The following GPC3 variants were observed in gnomAD, a reference collection of about 807,000 sequenced individuals.
The protein encoded by GPC3 is glypican-3.
Under a neutral mutation model 34.4 loss-of-function variants are expected in GPC3, and 3 were observed. The ratio of observed to expected loss-of-function variants is 0.09; its 90% confidence interval spans 0.04 to 0.23. The LOEUF is 0.23. GPC3 is among the 10% of genes least tolerant of loss of function. The pLI, the probability that GPC3 is intolerant of heterozygous loss-of-function variation, is 1.00. For missense variants in GPC3, 351 were observed against 445.6 expected, an observed-to-expected ratio of 0.79 and a Z score of 1.91; for synonymous variants, 177 against 174.0, an observed-to-expected ratio of 1.02 and a Z score of -0.13.
intron 7 of GPC3, among the ~76,000 whole-genome samples, chrX:133,584,059 T>A (rs1386117548): frequency 8.9e-6 from 1 of 111,780 alleles, no homozygotes; most frequent in Non-Finnish European, 1.9e-5. Flanking sequence ...CTTACTCCTG[T>A]GTTGACTGGA....
At chrX:133,758,037 A>G (rs1381969278) in intron 2 of GPC3, among the ~76,000 whole-genome samples, 1 of 112,038 alleles carries the variant, frequency 8.9e-6, no homozygotes, top group East Asian at 2.8e-4. Context: ...ATTATTAAAA[A>G]GTCAAGAAAC....
At chrX:133,959,405 G>C (rs912114934) in intron 1 of GPC3, among the ~76,000 whole-genome samples, 3 of 112,247 alleles carry the variant, frequency 2.7e-5, no homozygotes, top group African/African-American at 9.7e-5. Flanking sequence ...AGTGTGTATA[G>C]GGCTGTTTCA....
At chrX:133,685,702 G>A (rs912830707) in intron 5 of GPC3, among the ~76,000 whole-genome samples, 1 of 109,451 alleles carries the variant, frequency 9.1e-6, no homozygotes, top group Non-Finnish European at 1.9e-5. Context: ...TGCCCCATGT[G>A]ACAGTCTCAG....
At chrX:133,722,317 G>A (rs903253239) in intron 3 of GPC3, among the ~76,000 whole-genome samples, 4 of 111,159 alleles carry the variant, frequency 3.6e-5, no homozygotes, top group Non-Finnish European at 7.5e-5. Context: ...GACTATCATG[G>A]AACATTACAT....
At chrX:133,909,811 C>T (rs933618527) in intron 2 of GPC3, among the ~76,000 whole-genome samples, 1 of 111,134 alleles carries the variant, frequency 9.0e-6, no homozygotes, top group Non-Finnish European at 1.9e-5. Flanking sequence ...ACAGAACTGA[C>T]AGACATTGAC....
intron 2 of GPC3, among the ~76,000 whole-genome samples, chrX:133,936,722 T>C (rs954002482): frequency 8.0e-5 from 9 of 112,437 alleles, no homozygotes; most frequent in African/African-American, 2.6e-4. Flanking sequence ...CTATTTGATA[T>C]ATTTGTGACT....
intron 7 of GPC3, among the ~76,000 whole-genome samples, chrX:133,567,521 A>G (rs1288235689): frequency 1.8e-5 from 2 of 112,061 alleles, no homozygotes; most frequent in Admixed American, 9.4e-5. Context: ...GAGCCCTTTT[A>G]GTAGGCTGCT....
At chrX:133,827,580 C>T (rs764970343) in intron 2 of GPC3, among the ~76,000 whole-genome samples, 7 of 110,884 alleles carry the variant, frequency 6.3e-5, no homozygotes, top group African/African-American at 9.9e-5. Flanking sequence ...GTCAGGAGCT[C>T]GAGAACAGCC....
intron 4 of GPC3, among the ~76,000 whole-genome samples, chrX:133,697,679 C>T (rs1335099225): frequency 8.9e-6 from 1 of 111,941 alleles, no homozygotes; most frequent in Non-Finnish European, 1.9e-5. Flanking sequence ...AACCCTTACA[C>T]AATGTGAAGC....
chrX:133,908,781 G>A (rs1288499354), intron 2 of GPC3, among the ~76,000 whole-genome samples: 5 of 110,556 alleles, frequency 4.5e-5, no homozygotes, highest in South Asian at 3.9e-4. Flanking sequence ...TTAAACTTGT[G>A]ATCAACTAAA....
At chrX:133,777,130 C>T (rs967212500) in intron 2 of GPC3, among the ~76,000 whole-genome samples, 1 of 109,982 alleles carries the variant, frequency 9.1e-6, no homozygotes, top group East Asian at 2.9e-4. Flanking sequence ...CTGTCCGCTT[C>T]GACCTCCCAA....
At chrX:133,793,370 T>C (rs2072187565) in intron 2 of GPC3, among the ~76,000 whole-genome samples, 1 of 112,166 alleles carries the variant, frequency 8.9e-6, no homozygotes, top group African/African-American at 3.2e-5. Context: ...TTAATGAATA[T>C]CCAAAAACAT....
chrX:133,738,723 C>T (rs1029752118), intron 3 of GPC3, among the ~76,000 whole-genome samples: 5 of 111,828 alleles, frequency 4.5e-5, no homozygotes, highest in South Asian at 3.7e-4. Flanking sequence ...CTAAAAATCC[C>T]CATAGGGAAT....
intron 5 of GPC3, among the ~76,000 whole-genome samples, chrX:133,666,113 A>G (rs768564886): frequency 1.8e-5 from 2 of 111,646 alleles, no homozygotes; most frequent in Non-Finnish European, 3.8e-5. Context: ...TATTAAATCA[A>G]ATTAATCCCA....
At chrX:133,634,160 T>C (rs1164553392) in intron 6 of GPC3, among the ~76,000 whole-genome samples, 2 of 111,627 alleles carry the variant, frequency 1.8e-5, no homozygotes, top group Admixed American at 1.9e-4. Flanking sequence ...AAGTCTATAA[T>C]CAACGAATGA....
chrX:133,686,336 G>A (rs2071002663), intron 5 of GPC3, among the ~76,000 whole-genome samples: 1 of 111,730 alleles, frequency 9.0e-6, no homozygotes, highest in African/African-American at 3.3e-5. Flanking sequence ...GAATGCAGAG[G>A]TAGTGAGAGA....
At chrX:133,550,608 C>G (rs1389706067) in intron 7 of GPC3, among the ~76,000 whole-genome samples, 2 of 111,939 alleles carry the variant, frequency 1.8e-5, no homozygotes, top group Non-Finnish European at 3.8e-5. Context: ...AGTTGAATGA[C>G]TGAGTGAATG....
intron 6 of GPC3, among the ~76,000 whole-genome samples, chrX:133,602,362 G>A (rs1234217396): frequency 1.8e-5 from 2 of 111,405 alleles, no homozygotes; most frequent in Non-Finnish European, 3.8e-5. Flanking sequence ...TACTGCAGGA[G>A]GTGAGTAGCA....
chrX:133,605,058 C>T (rs1007117029), intron 6 of GPC3, among the ~76,000 whole-genome samples: 1 of 111,516 alleles, frequency 9.0e-6, no homozygotes, highest in Non-Finnish European at 1.9e-5. Flanking sequence ...TGAACGAATG[C>T]ACCAAACCAC....
Sources: allele counts gnomAD v4.1 joint callset (sites outside exome capture counted in the v4.1 genomes callset), GRCh38; gene constraint gnomAD v4.1.1; transcripts MANE v1.5; gene names NCBI Gene and HGNC (gene_info 2026-07-23, HGNC 2026-07-21).